Variants in PSEN2 observed in about 807,000 individuals in gnomAD.
The protein encoded by PSEN2 is presenilin-2.
PSEN2 carries 32 observed loss-of-function variants against 49.1 expected under a neutral mutation model. The ratio of observed to expected loss-of-function variants is 0.65; its 90% CI spans 0.49 to 0.88. The LOEUF (loss-of-function observed/expected upper bound fraction) is 0.88. Among genes scored for constraint, PSEN2 ranks in the 40% least tolerant of loss-of-function variants. PSEN2 has a pLI of 0.00. For missense variants in PSEN2, 522 were observed against 586.9 expected (o/e 0.89, Z 1.14); for synonymous variants, 255 against 244.0 (o/e 1.05, Z -0.42).
At chr1:226,886,224 A>G (rs867244574) in intron 6 of PSEN2, among the ~76,000 whole-genome samples, 1 of 152,168 alleles carries the variant, frequency 6.6e-6, no homozygotes, top group Admixed American at 6.5e-5. Flanking sequence ...CAGTGTTCCA[A>G]GCATCATTTC....
chr1:226,888,199 T>A (rs1661500114), intron 7 of PSEN2, 41 bp downstream of exon 7: 1 of 1,530,134 alleles, frequency 6.5e-7, no homozygotes, highest in Non-Finnish European at 9.1e-7. Flanking sequence ...GGAGCCCCTC[T>A]CCATGTGGCA....
Position 226,891,706 on chromosome 1 carries a change from C to T in PSEN2, c.971-37C>T, listed in dbSNP as rs199854075. The T allele has an allele frequency of 2.4e-5, 37 of 1,531,486 alleles. No homozygotes were observed. In the East Asian group the frequency reaches 3.4e-4, roughly 14 times the overall value. 94.9% of individuals were successfully genotyped at this position (1,531,486 alleles called of 1,614,324 possible). ...TCTCTCTCTTGTTGTCCCCTCCTCA[C>T]GGTGATGACGGACATCTTCTCTTCC... On this transcript the variant is annotated intron_variant, in intron 10 of 12. Coordinates refer to ENST00000366783, the MANE Select transcript of PSEN2 (RefSeq NM_000447.3).
At chr1:226,871,740 G>A (rs897757460) in intron 2 of PSEN2, among the ~76,000 whole-genome samples, 1 of 152,242 alleles carries the variant, frequency 6.6e-6, no homozygotes, top group African/African-American at 2.4e-5. Context: ...GAGCCTCCAA[G>A]GCCTTCAGCC....
At chr1:226,881,330 A>G (rs531094539) in intron 3 of PSEN2, among the ~76,000 whole-genome samples, 2 of 152,158 alleles carry the variant, frequency 1.3e-5, no homozygotes, top group South Asian at 2.1e-4. Flanking sequence ...TCACTGGAAC[A>G]TTGTGCCTTC....
intron 3 of PSEN2, among the ~76,000 whole-genome samples, chr1:226,879,676 C>A (rs1045534675): frequency 1.8e-4 from 27 of 152,238 alleles, no homozygotes; most frequent in Admixed American, 1.2e-3. Context: ...ATATTCCTAA[C>A]CTTTGCAGCT....
chr1:226,882,861 A>C (rs1208128126), intron 4 of PSEN2, among the ~76,000 whole-genome samples: 1 of 152,102 alleles, frequency 6.6e-6, no homozygotes, highest in African/African-American at 2.4e-5. Context: ...TGGTTGTTTC[A>C]GTTTCTGTTC....
At chr1:226,891,883 G>A (rs202106330) in intron 11 of PSEN2, 39 bp downstream of exon 11, 14 of 1,584,236 alleles carry the variant, frequency 8.8e-6, no homozygotes, top group South Asian at 5.5e-5. Context: ...TTCAGCCTAC[G>A]GCGGGAGCGG....
intron 9 of PSEN2, chr1:226,890,929 C>T (rs536317786): frequency 1.3e-5 from 4 of 319,444 alleles, no homozygotes; most frequent in East Asian, 7.2e-5. Flanking sequence ...ACATTCCAGG[C>T]GCATTCCGAG....
intron 2 of PSEN2, among the ~76,000 whole-genome samples, chr1:226,874,688 T>C (rs6678940): frequency 0.077 from 11,732 of 152,280 alleles, 1,195 homozygotes; most frequent in African/African-American, 0.24. Flanking sequence ...GAACATCTAC[T>C]GTGTGCTGGA....
At chr1:226,880,755 T>A (rs1280607522) in intron 3 of PSEN2, 2 of 1,612,586 alleles carry the variant, frequency 1.2e-6, no homozygotes, top group Middle Eastern at 1.6e-4. Context: ...GGTACTACTG[T>A]GTGAAACCCC....
At position 226,885,571 on chromosome 1, in the gene PSEN2, G is replaced by C. The variant is rs781597971; in HGVS notation, c.390G>C (p.Ser130=). The C allele has an allele frequency of 1.4e-5, 22 of 1,613,924 alleles. No individual in the cohort carries two copies. In the Middle Eastern group the frequency reaches 4.9e-4, roughly 36 times the overall value. Residue 130 remains serine (S), a synonymous_variant, in exon 6 of 13, where the codon TCG becomes TCC. Coordinates refer to ENST00000366783, the MANE Select transcript of PSEN2 (RefSeq NM_000447.3). ...CGCCATTCACTGAGGACACACCCTC[G>C]GTGGGCCAGCGCCTCCTCAACTCCG... ...IYTPFTEDTP[S]VGQRLLNSVL...
intron 12 of PSEN2, among the ~76,000 whole-genome samples, chr1:226,901,811 C>CT (rs1250476595): frequency 2.7e-4 from 41 of 152,190 alleles, no homozygotes; most frequent in African/African-American, 9.9e-4. Flanking sequence ...GAGAAGGCCT[C>CT]TGAGAAAAAT....
intron 4 of PSEN2, among the ~76,000 whole-genome samples, chr1:226,882,765 G>A (rs1304320397): frequency 6.6e-6 from 1 of 152,120 alleles, no homozygotes; most frequent in African/African-American, 2.4e-5. Flanking sequence ...CCTAAGCCCT[G>A]AGTGAAATCA....
chr1:226,891,436 C>T, intron 10 of PSEN2, 75 bp downstream of exon 10: 1 of 1,346,606 alleles, frequency 7.4e-7, no homozygotes, highest in Non-Finnish European at 1.0e-6. Context: ...TCTGCTCGGC[C>T]TGGCTTCCCT....
chr1:226,889,938 T>C, intron 8 of PSEN2, 97 bp from the exon 9 acceptor site: 6 of 960,474 alleles, frequency 6.2e-6, no homozygotes, highest in Non-Finnish European at 1.0e-5. Context: ...CAAGGCATGC[T>C]CTGAGAGCTC....
chr1:226,896,115 G>C (rs16846619), downstream of PSEN2: 1 of 168,114 alleles, frequency 5.9e-6, no homozygotes, highest in African/African-American at 2.4e-5. Flanking sequence ...AGTTTGGTCC[G>C]TTGTAAATGT....
downstream of PSEN2, among the ~76,000 whole-genome samples, chr1:226,896,632 C>G (rs757629518): frequency 1.3e-5 from 2 of 151,932 alleles, no homozygotes. Flanking sequence ...GAGGTCGAGT[C>G]GGAAGGATCA....
intron 3 of PSEN2, among the ~76,000 whole-genome samples, chr1:226,879,527 A>C (rs1571943227): frequency 6.6e-6 from 1 of 152,148 alleles, no homozygotes; most frequent in Non-Finnish European, 1.5e-5. Context: ...GGCCCATCCT[A>C]CCAGGTCCCC....
chr1:226,872,735 A>G (rs558581398), intron 2 of PSEN2, among the ~76,000 whole-genome samples: 2 of 152,282 alleles, frequency 1.3e-5, no homozygotes, highest in Non-Finnish European at 2.9e-5. Flanking sequence ...AAGACAGCAA[A>G]TATTTCTGCA....
Sources: allele counts gnomAD v4.1 joint callset (sites outside exome capture counted in the v4.1 genomes callset), GRCh38; gene constraint gnomAD v4.1.1; transcripts MANE v1.5; gene names NCBI Gene and HGNC (gene_info 2026-07-23, HGNC 2026-07-21).